The following C4orf36 variants were observed in gnomAD, a reference collection of about 807,000 sequenced individuals.
The protein encoded by C4orf36 is chromosome 4 open reading frame 36, also known as uncharacterized protein C4orf36.
In C4orf36, 11 loss-of-function variants were observed where a neutral mutation model predicts 12.2. The ratio of observed to expected loss-of-function variants is 0.90; its 90% CI spans 0.57 to 1.49. C4orf36 has a LOEUF of 1.49. C4orf36 is among the 40% of genes most tolerant of loss of function. The probability of loss-of-function intolerance (pLI) is 0.00; values close to 1 mark genes in which losing one functional copy is unlikely to be tolerated. For synonymous variants in C4orf36, 54 were observed against 51.3 expected, an observed-to-expected ratio of 1.05 and a Z score of -0.22; for missense variants, 137 against 133.9, an observed-to-expected ratio of 1.02 and a Z score of -0.11.
At chr4:86,903,919 C>T in the C4orf36 span, among the ~76,000 whole-genome samples, 4 of 152,106 alleles carry the variant, frequency 2.6e-5, no homozygotes, top group African/African-American at 9.7e-5. Flanking sequence ...AGACACAGAG[C>T]GCTGATTGGT....
chr4:86,888,366 G>C, intron 2 of C4orf36, 91 bp from the exon 3 acceptor site: 1 of 1,304,382 alleles, frequency 7.7e-7, no homozygotes, highest in Non-Finnish European at 1.1e-6. Context: ...AGTTCCATTT[G>C]CCACTAGACA....
At chr4:86,884,229 T>C (rs985542958) in intron 4 of C4orf36, among the ~76,000 whole-genome samples, 9 of 152,024 alleles carry the variant, frequency 5.9e-5, no homozygotes, top group Admixed American at 5.2e-4. Flanking sequence ...CACACAAGTA[T>C]GTGTGTTCCA....
chr4:86,917,413 AAG>A, the C4orf36 span, among the ~76,000 whole-genome samples: 16 of 147,220 alleles, frequency 1.1e-4, no homozygotes, highest in African/African-American at 2.2e-4. Flanking sequence ...GAAAGAGAGG[AAG>A]AGAGAGAGAA....
the C4orf36 span, among the ~76,000 whole-genome samples, chr4:86,912,606 T>C: frequency 6.6e-6 from 1 of 152,188 alleles, no homozygotes; most frequent in Admixed American, 6.5e-5. Context: ...AAATGGTATT[T>C]AGAAAGCAAT....
the C4orf36 span, chr4:86,934,915 C>G: frequency 1.3e-5 from 2 of 152,118 alleles, no homozygotes; most frequent in African/African-American, 2.4e-5. Flanking sequence ...GGGGCGGAAC[C>G]CGGTACCGCA....
At chr4:86,914,852 T>G in the C4orf36 span, 1 of 427,662 alleles carries the variant, frequency 2.3e-6, no homozygotes, top group Non-Finnish European at 4.5e-6. Flanking sequence ...AAAGCTGGGG[T>G]CGGGGGAGTC....
intron 4 of C4orf36, among the ~76,000 whole-genome samples, chr4:86,883,427 G>C (rs1747094937): frequency 6.6e-6 from 1 of 152,132 alleles, no homozygotes. Flanking sequence ...CAAAGATCAA[G>C]AGAATCAGCC....
chr4:86,915,314 A>G, the C4orf36 span, among the ~76,000 whole-genome samples: 1 of 152,238 alleles, frequency 6.6e-6, no homozygotes, highest in East Asian at 1.9e-4. Flanking sequence ...GGCCATTTCC[A>G]TGAATGGATA....
the C4orf36 span, among the ~76,000 whole-genome samples, chr4:86,917,229 A>G: frequency 6.6e-6 from 1 of 152,166 alleles, no homozygotes; most frequent in Non-Finnish European, 1.5e-5. Context: ...GCAGTGAGCT[A>G]TGATCATGCC....
the C4orf36 span, among the ~76,000 whole-genome samples, chr4:86,902,391 C>G: frequency 2.3e-5 from 3 of 128,074 alleles, no homozygotes; most frequent in Non-Finnish European, 1.6e-5. Context: ...CACTGCAACT[C>G]CAACCTGGGC....
chr4:86,889,367 A>C (rs28661703), intron 2 of C4orf36, among the ~76,000 whole-genome samples: 9,276 of 151,306 alleles, frequency 0.061, 412 homozygotes, highest in Non-Finnish European at 0.087. Flanking sequence ...AAAAAAAAAA[A>C]ATGGAAATAA....
chr4:86,928,822 G>A, the C4orf36 span, among the ~76,000 whole-genome samples: 2 of 152,082 alleles, frequency 1.3e-5, no homozygotes, highest in African/African-American at 2.4e-5. Context: ...CTCTGCCCAC[G>A]AAGTTTCATG....
intron 4 of C4orf36, among the ~76,000 whole-genome samples, chr4:86,879,793 A>C (rs1017849415): frequency 1.3e-5 from 2 of 152,182 alleles, no homozygotes; most frequent in Admixed American, 1.3e-4. Context: ...AGCAAGAGAA[A>C]AGTGACTCAT....
chr4:86,932,061 T>C, the C4orf36 span, among the ~76,000 whole-genome samples: 1 of 91,398 alleles, frequency 1.1e-5, no homozygotes, highest in Non-Finnish European at 2.4e-5. Flanking sequence ...AAAAAAAAGA[T>C]TTATTCCGGG....
At chr4:86,907,330 G>C in the C4orf36 span, among the ~76,000 whole-genome samples, 1 of 152,070 alleles carries the variant, frequency 6.6e-6, no homozygotes, top group Admixed American at 6.6e-5. Context: ...CACCTGCCTA[G>C]GGAATAATAA....
intron 4 of C4orf36, among the ~76,000 whole-genome samples, chr4:86,884,027 T>G (rs1347441269): frequency 6.6e-6 from 1 of 151,922 alleles, no homozygotes; most frequent in Non-Finnish European, 1.5e-5. Flanking sequence ...GATCCTAAAA[T>G]GCCTACTGAA....
chr4:86,910,940 G>A, the C4orf36 span, among the ~76,000 whole-genome samples: 2 of 151,784 alleles, frequency 1.3e-5, no homozygotes, highest in Non-Finnish European at 2.9e-5. Flanking sequence ...AAAAATAGCT[G>A]AGCGTGGTGG....
the C4orf36 span, among the ~76,000 whole-genome samples, chr4:86,931,650 C>A: frequency 1.1e-3 from 163 of 152,284 alleles, 3 homozygotes; most frequent in Non-Finnish European, 2.8e-4. Context: ...CCTCCTGCCT[C>A]ATCCTCCCAA....
chr4:86,926,671 C>T, the C4orf36 span, among the ~76,000 whole-genome samples: 61 of 152,212 alleles, frequency 4.0e-4, no homozygotes, highest in African/African-American at 1.3e-3. Flanking sequence ...GGTATGCTTA[C>T]GTTATTGCTG....
Sources: gnomAD v4.1 joint callset for allele counts (sites outside exome capture counted in the v4.1 genomes callset) on GRCh38, gnomAD v4.1.1 for gene constraint, MANE v1.5 for transcripts, NCBI Gene and HGNC (gene_info 2026-07-23, HGNC 2026-07-21) for gene names.